The following FAM13A variants were observed in gnomAD, a reference collection of about 807,000 sequenced individuals.
FAM13A encodes protein FAM13A.
Under a neutral mutation model 129.6 loss-of-function variants are expected in FAM13A, and 76 were observed. The observed-to-expected ratio is 0.59, with a 90% CI of 0.49 to 0.71. The LOEUF is 0.71. Among genes scored for constraint, FAM13A ranks in the 30% least tolerant of loss-of-function variants. The probability of loss-of-function intolerance (pLI) is 0.00; values close to 1 mark genes in which losing one functional copy is unlikely to be tolerated. For synonymous variants in FAM13A, 443 were observed against 449.9 expected (o/e 0.98, Z 0.20); for missense variants, 1,108 against 1,249.3 (o/e 0.89, Z 1.70).
At chr4:88,819,837 G>T (rs1166839026) in intron 7 of FAM13A, among the ~76,000 whole-genome samples, 1 of 152,070 alleles carries the variant, frequency 6.6e-6, no homozygotes, top group African/African-American at 2.4e-5. Flanking sequence ...AAATAACTGG[G>T]ACTGTTTAAT....
At chr4:88,869,229 G>C (rs1252524825) in intron 6 of FAM13A, among the ~76,000 whole-genome samples, 1 of 152,134 alleles carries the variant, frequency 6.6e-6, no homozygotes, top group Non-Finnish European at 1.5e-5. Context: ...GCCTTCTTCT[G>C]ATTATATTCA....
intron 11 of FAM13A, among the ~76,000 whole-genome samples, chr4:88,773,612 G>A (rs901801895): frequency 4.6e-5 from 7 of 152,080 alleles, no homozygotes; most frequent in African/African-American, 1.4e-4. Context: ...ATGCTGGTAG[G>A]TCTCAGGGCT....
Position 88,731,437 on chromosome 4 carries a change from G to C in FAM13A, c.2844-9C>G, listed in dbSNP as rs1560827888. On this transcript the variant is annotated splice_polypyrimidine_tract_variant and intron_variant, in intron 22 of 23. Transcript: ENST00000264344. The stretch of plus-strand genomic sequence containing the variant: ...GTTCCAGGAGTTCAGGTCTAAGAGA[G>C]AGGAAGCATTGCAAGGAAATTAAGT... 3 of 1,494,152 alleles carry C rather than the reference G, an allele frequency of 2.0e-6. No homozygotes were observed. The highest frequency in any genetic ancestry group is 4.5e-5 in the East Asian group (2 of 44,274). The allele number at this position is 1,494,152 out of a possible 1,614,324, so 92.6% of individuals were successfully genotyped here. A position where few individuals can be genotyped will look rare whatever the true frequency, so the allele number is the denominator to read the frequency against.
chr4:88,853,082 C>T (rs1193164808), intron 6 of FAM13A, among the ~76,000 whole-genome samples: 1 of 152,108 alleles, frequency 6.6e-6, no homozygotes. Context: ...AATCTGGTGA[C>T]TGACAATTAA....
intron 13 of FAM13A, among the ~76,000 whole-genome samples, chr4:88,761,940 C>A (rs1744898080): frequency 6.6e-6 from 1 of 151,696 alleles, no homozygotes; most frequent in African/African-American, 2.4e-5. Flanking sequence ...GACAGTTAAT[C>A]AACAAAAACC....
chr4:88,996,725 G>A (rs1763597887), intron 3 of FAM13A, among the ~76,000 whole-genome samples: 1 of 151,964 alleles, frequency 6.6e-6, no homozygotes, highest in Admixed American at 6.6e-5. Context: ...AGGTCTCCTT[G>A]AAATGTAGTT....
At chr4:89,009,167 T>G (rs1423369319) in intron 3 of FAM13A, 2 of 152,204 alleles carry the variant, frequency 1.3e-5, no homozygotes, top group East Asian at 1.9e-4. Context: ...ACTGTAAAAT[T>G]AAATTAATTA....
intron 6 of FAM13A, among the ~76,000 whole-genome samples, chr4:88,870,497 G>T (rs1222857335): frequency 6.6e-6 from 1 of 150,708 alleles, no homozygotes; most frequent in African/African-American, 2.4e-5. Context: ...CGCCTGGCTT[G>T]GGGGGGGTCC....
intron 4 of FAM13A, among the ~76,000 whole-genome samples, chr4:88,984,846 T>C (rs972357853): frequency 6.6e-6 from 1 of 152,210 alleles, no homozygotes; most frequent in Non-Finnish European, 1.5e-5. Context: ...CATGAGGGAA[T>C]GTAAAATGGT....
chr4:89,021,618 C>T (rs1767265001), intron 2 of FAM13A, among the ~76,000 whole-genome samples: 1 of 151,982 alleles, frequency 6.6e-6, no homozygotes, highest in South Asian at 2.1e-4. Flanking sequence ...AGAGTGAAGG[C>T]CTTATCACTG....
At chr4:88,744,988 T>A (rs1304055058) in intron 19 of FAM13A, among the ~76,000 whole-genome samples, 1 of 152,190 alleles carries the variant, frequency 6.6e-6, no homozygotes, top group Non-Finnish European at 1.5e-5. Context: ...AAGAGAGCTA[T>A]GAAATGCACA....
At chr4:88,808,388 A>G (rs540324966) in intron 7 of FAM13A, among the ~76,000 whole-genome samples, 62 of 152,286 alleles carry the variant, frequency 4.1e-4, no homozygotes, top group African/African-American at 1.2e-3. Flanking sequence ...ATACAGCTGT[A>G]CAAAGATATT....
chr4:88,731,701 A>G, intron 22 of FAM13A: 1 of 526,256 alleles, frequency 1.9e-6, no homozygotes, highest in South Asian at 2.9e-5. Context: ...TCTTTGAAAG[A>G]AAGAGATGAC....
At chr4:88,912,254 G>A (rs1749187387) in intron 5 of FAM13A, among the ~76,000 whole-genome samples, 2 of 102,910 alleles carry the variant, frequency 1.9e-5, no homozygotes, top group Admixed American at 1.8e-4. Flanking sequence ...AATGTTGCAG[G>A]CACCATCCAA....
chr4:88,974,096 C>T (rs192904559), intron 4 of FAM13A, among the ~76,000 whole-genome samples: 6 of 152,256 alleles, frequency 3.9e-5, no homozygotes, highest in Admixed American at 3.3e-4. Context: ...GATTTTTCTC[C>T]AGTATTCACT....
chr4:89,021,391 G>C (rs1230143961), intron 2 of FAM13A, among the ~76,000 whole-genome samples: 6 of 152,156 alleles, frequency 3.9e-5, no homozygotes, highest in African/African-American at 9.7e-5. Context: ...TGTATTCTTA[G>C]TATCATATTC....
At chr4:88,860,239 A>G (rs1739262638) in intron 6 of FAM13A, among the ~76,000 whole-genome samples, 2 of 152,214 alleles carry the variant, frequency 1.3e-5, no homozygotes, top group South Asian at 4.1e-4. Context: ...TTCTTAAAAT[A>G]TTATCTCACT....
chr4:88,943,030 C>G (rs1312824852), intron 4 of FAM13A, among the ~76,000 whole-genome samples: 1 of 152,152 alleles, frequency 6.6e-6, no homozygotes, highest in East Asian at 1.9e-4. Flanking sequence ...AAAACTTAAT[C>G]TCGTCTGTAC....
At chr4:88,847,744 C>T (rs753987492) in intron 7 of FAM13A, among the ~76,000 whole-genome samples, 1 of 152,122 alleles carries the variant, frequency 6.6e-6, no homozygotes, top group Admixed American at 6.5e-5. Context: ...ACCATCCTGG[C>T]TAACACGGTG....
Sources: allele counts gnomAD v4.1 joint callset (sites outside exome capture counted in the v4.1 genomes callset), GRCh38; gene constraint gnomAD v4.1.1; transcripts MANE v1.5; gene names NCBI Gene and HGNC (gene_info 2026-07-23, HGNC 2026-07-21).